The following PDE4B variants were observed in gnomAD, a reference collection of about 807,000 sequenced individuals.
PDE4B encodes the protein 3',5'-cyclic-AMP phosphodiesterase 4B.
A neutral mutation model predicts 82.2 loss-of-function variants in PDE4B; 20 were observed. That is an observed-to-expected ratio of 0.24 (90% CI 0.17 to 0.35). The LOEUF (loss-of-function observed/expected upper bound fraction) is 0.35, where lower values mean the gene tolerates loss of function less well. PDE4B is among the 10% of genes least tolerant of loss of function. The pLI is 1.00. For synonymous variants in PDE4B, 320 were observed against 318.9 expected, an observed-to-expected ratio of 1.00 and a Z score of -0.04; for missense variants, 655 against 907.2, an observed-to-expected ratio of 0.72 and a Z score of 3.57.
intron 3 of PDE4B, among the ~76,000 whole-genome samples, chr1:66,009,802 A>G (rs1404444717): frequency 6.6e-6 from 1 of 151,962 alleles, no homozygotes. Context: ...TTCTACCATC[A>G]TTATCCCTGA....
chr1:66,004,969 T>A (rs116138976), intron 3 of PDE4B, among the ~76,000 whole-genome samples: 1,588 of 152,196 alleles, frequency 0.01, 9 homozygotes, highest in Non-Finnish European at 0.017. Flanking sequence ...TTTATATGAT[T>A]ATATAACATT....
chr1:66,131,724 A>C (rs894494882), intron 3 of PDE4B, among the ~76,000 whole-genome samples: 2 of 148,826 alleles, frequency 1.3e-5, no homozygotes, highest in Non-Finnish European at 3.0e-5. Context: ...TTTATTGCGA[A>C]CCTACTATGT....
At chr1:65,896,467 C>G (rs1367953503) in intron 1 of PDE4B, among the ~76,000 whole-genome samples, 3 of 152,152 alleles carry the variant, frequency 2.0e-5, no homozygotes, top group East Asian at 3.9e-4. Flanking sequence ...AGGACATGGC[C>G]AAACCATATC....
intron 3 of PDE4B, among the ~76,000 whole-genome samples, chr1:65,955,423 C>T (rs1191224908): frequency 1.3e-5 from 2 of 152,078 alleles, no homozygotes. Flanking sequence ...GTGTCTTTCT[C>T]CTCTTATTGG....
At chr1:65,847,998 A>G (rs1405197299) in intron 1 of PDE4B, among the ~76,000 whole-genome samples, 2 of 152,086 alleles carry the variant, frequency 1.3e-5, no homozygotes, top group Non-Finnish European at 2.9e-5. Context: ...AAAGTTGAGC[A>G]AGCTCAGCAA....
intron 4 of PDE4B, among the ~76,000 whole-genome samples, chr1:66,255,353 G>A (rs898809108): frequency 6.6e-6 from 1 of 152,138 alleles, no homozygotes; most frequent in African/African-American, 2.4e-5. Flanking sequence ...CTCCCAAAGT[G>A]CTGGGATTAC....
intron 2 of PDE4B, among the ~76,000 whole-genome samples, chr1:65,914,450 A>T (rs1299327627): frequency 7.3e-6 from 1 of 137,240 alleles, no homozygotes. Flanking sequence ...TTGTGGCAGC[A>T]TTTACTTCTT....
chr1:65,975,618 A>C (rs1018943602), intron 3 of PDE4B, among the ~76,000 whole-genome samples: 2 of 152,180 alleles, frequency 1.3e-5, no homozygotes. Context: ...CCAGAGGTGT[A>C]GGAGGGAAAA....
intron 3 of PDE4B, among the ~76,000 whole-genome samples, chr1:66,051,958 T>G (rs1655051480): frequency 6.6e-6 from 1 of 152,054 alleles, no homozygotes. Context: ...TGATGAAGGT[T>G]GGGGTATAAA....
chr1:66,009,568 C>T lies in PDE4B; in HGVS notation c.281+90733C>T, dbSNP rs1033314935. 3.9e-5 allele frequency among the ~76,000 whole-genome samples: 6 copies of T among 152,272 alleles called. 1 individual carries two copies. Among genetic ancestry groups the T allele is most frequent in the Non-Finnish European group, 8.8e-5 (6 of 68,018 alleles). ...GTCTCTACCTATTACTTCTCCAACTCCTTTCCTTCCCCTCACACCATCCCA... is the reference window on the plus strand; with the variant it reads ...GTCTCTACCTATTACTTCTCCAACTTCTTTCCTTCCCCTCACACCATCCCA... On this transcript the variant is annotated intron_variant, in intron 3 of 16. Transcript: ENST00000341517.
At chr1:66,347,053 C>A (rs1251178846) in intron 8 of PDE4B, among the ~76,000 whole-genome samples, 1 of 152,136 alleles carries the variant, frequency 6.6e-6, no homozygotes, top group African/African-American at 2.4e-5. Context: ...TCAGTTGAAT[C>A]CTCAGATGCT....
Position 66,081,832 on chromosome 1 carries a change from C to CTCTCTG in PDE4B, c.281+162998_281+162999insCTCTGT, listed in dbSNP as rs1280680569. On this transcript the variant is annotated intron_variant, in intron 3 of 16. Transcript: ENST00000341517. ...ACTCTCTCTCTCTCTCTCTCTCTCT[C>CTCTCTG]TGTGTGTGTGTGTGTGTGTGTGTGT... Among the ~76,000 whole-genome samples the CTCTCTG allele has an allele frequency of 8.9e-4, 111 of 125,180 alleles. 1 individual carries two copies. Among genetic ancestry groups the CTCTCTG allele is most frequent in the African/African-American group, 2.5e-3 (84 of 33,394 alleles). 82.1% of individuals were successfully genotyped at this position (125,180 alleles called of 152,430 possible). A position where few individuals can be genotyped will look rare whatever the true frequency, so the allele number is the denominator to read the frequency against.
chr1:65,792,812 C>T (rs891669397), upstream of PDE4B, among the ~76,000 whole-genome samples: 3 of 151,840 alleles, frequency 2.0e-5, no homozygotes, highest in Non-Finnish European at 2.9e-5. Context: ...AGGAGCGCAG[C>T]GCGGCAGACC....
intron 3 of PDE4B, among the ~76,000 whole-genome samples, chr1:66,095,692 A>G (rs1426606349): frequency 1.3e-5 from 2 of 151,904 alleles, no homozygotes; most frequent in Non-Finnish European, 2.9e-5. Context: ...TTGCTGTGTA[A>G]TATCATATGT....
chr1:65,842,744 T>C (rs1459988942), intron 1 of PDE4B, among the ~76,000 whole-genome samples: 1 of 152,140 alleles, frequency 6.6e-6, no homozygotes, highest in Non-Finnish European at 1.5e-5. Flanking sequence ...GAAAAATAAG[T>C]TTGTGCCCTA....
At chr1:66,189,345 C>A (rs1202617494) in intron 3 of PDE4B, among the ~76,000 whole-genome samples, 1 of 152,074 alleles carries the variant, frequency 6.6e-6, no homozygotes, top group Non-Finnish European at 1.5e-5. Flanking sequence ...ATCTTTGTGG[C>A]ATTCTCTGTA....
intron 3 of PDE4B, among the ~76,000 whole-genome samples, chr1:66,228,233 A>G (rs986886718): frequency 2.6e-5 from 4 of 152,234 alleles, no homozygotes; most frequent in African/African-American, 7.2e-5. Flanking sequence ...ACCCCGGCTC[A>G]TTCGGAGAGA....
chr1:66,217,397 A>G (rs1212697359), intron 3 of PDE4B, among the ~76,000 whole-genome samples: 1 of 152,116 alleles, frequency 6.6e-6, no homozygotes, highest in African/African-American at 2.4e-5. Context: ...GGAAGAAATG[A>G]TTAATGTGGC....
chr1:66,368,801 G>A lies in PDE4B; in HGVS notation c.1677G>A (p.Met559Ile). 6.3e-7 allele frequency: 1 copy of A among 1,583,118 alleles called. No homozygotes were observed. Among genetic ancestry groups the A allele is most frequent in the Non-Finnish European group, 8.6e-7 (1 of 1,163,554 alleles). Residue 559 changes from methionine (M) to isoleucine (I), a missense_variant, in exon 16 of 17, where the codon ATG becomes ATA. Coordinates refer to ENST00000341517, the MANE Select transcript of PDE4B (RefSeq NM_002600.4). ...YTDRIQVLRNMVHCADLSNPT... is the reference protein window; with the variant it reads ...YTDRIQVLRNIVHCADLSNPT... ...GATGATTTCAGGTCCTTCGCAACAT[G>A]GTACACTGTGCAGACCTGAGCAACC...
Sources: allele counts gnomAD v4.1 joint callset (sites outside exome capture counted in the v4.1 genomes callset), GRCh38; gene constraint gnomAD v4.1.1; transcripts MANE v1.5; gene names NCBI Gene and HGNC (gene_info 2026-07-23, HGNC 2026-07-21).